The following MAP3K5 variants were observed in gnomAD, a reference collection of about 807,000 sequenced individuals.
MAP3K5 encodes ASK-1.
In MAP3K5, 56 loss-of-function variants were observed where a neutral mutation model predicts 158.7. That is an observed-to-expected ratio of 0.35 (90% CI 0.28 to 0.44). The LOEUF is 0.44. MAP3K5 is among the 20% of genes least tolerant of loss of function. MAP3K5 has a pLI of 1.00. For missense variants in MAP3K5, 1,294 were observed against 1,674.8 expected (o/e 0.77, Z 3.97); for synonymous variants, 579 against 601.7 (o/e 0.96, Z 0.55).
intron 21 of MAP3K5, among the ~76,000 whole-genome samples, chr6:136,597,088 G>T (rs1275081839): frequency 6.6e-6 from 1 of 152,174 alleles, no homozygotes; most frequent in Non-Finnish European, 1.5e-5. Context: ...TCTAAAAGAG[G>T]CTGAATGAAC....
intron 1 of MAP3K5, among the ~76,000 whole-genome samples, chr6:136,743,327 G>GT (rs1395543755): frequency 6.6e-6 from 1 of 152,066 alleles, no homozygotes; most frequent in Non-Finnish European, 1.5e-5. Flanking sequence ...GCAGGCACCT[G>GT]TAGTCCCAGC....
intron 7 of MAP3K5, among the ~76,000 whole-genome samples, chr6:136,684,341 C>G (rs1324210004): frequency 6.6e-6 from 1 of 151,798 alleles, no homozygotes; most frequent in African/African-American, 2.4e-5. Context: ...GTTAAGGGCT[C>G]AATTATTATT....
chr6:136,629,697 A>G (rs972993358), intron 14 of MAP3K5, among the ~76,000 whole-genome samples: 6 of 151,494 alleles, frequency 4.0e-5, no homozygotes, highest in African/African-American at 1.5e-4. Context: ...CTCATGATCC[A>G]CCCGCCTTGG....
intron 15 of MAP3K5, among the ~76,000 whole-genome samples, chr6:136,620,646 G>A (rs2129095285): frequency 6.6e-6 from 1 of 152,298 alleles, no homozygotes; most frequent in South Asian, 2.1e-4. Flanking sequence ...CAGCATTAAA[G>A]CCTGGCCAAA....
chr6:136,557,164 C>A lies in MAP3K5; in HGVS notation c.*594G>T, dbSNP rs1016202872. ...CTGGTACAGTTCAGTAGTACATAAA[C>A]GACTCAAACAAATGTACGACAGGTC... On this transcript the variant is annotated 3_prime_UTR_variant, in exon 30 of 30. Transcript: ENST00000359015. 1 of 152,926 alleles carries A rather than the reference C, an allele frequency of 6.5e-6. No homozygotes were observed. The highest frequency in any genetic ancestry group is 2.4e-5 in the African/African-American group (1 of 41,374). 9.5% of individuals were successfully genotyped at this position (152,926 alleles called of 1,614,324 possible).
intron 25 of MAP3K5, chr6:136,579,975 G>T (rs1251188934): frequency 2.4e-6 from 1 of 424,542 alleles, no homozygotes; most frequent in Non-Finnish European, 4.6e-6. Context: ...GAACCACTGG[G>T]TAAAAGATGT....
intron 1 of MAP3K5, among the ~76,000 whole-genome samples, chr6:136,791,367 C>T (rs1170721984): frequency 6.6e-6 from 1 of 152,176 alleles, no homozygotes; most frequent in Non-Finnish European, 1.5e-5. Flanking sequence ...GACCAAACCT[C>T]ACAGAAGCGA....
intron 1 of MAP3K5, among the ~76,000 whole-genome samples, chr6:136,757,028 C>T (rs774614253): frequency 2.0e-4 from 30 of 152,228 alleles, no homozygotes; most frequent in Non-Finnish European, 2.6e-4. Flanking sequence ...GGTGAACACC[C>T]GAGAAAACTC....
At chr6:136,632,626 C>T (rs1049688281) in intron 14 of MAP3K5, among the ~76,000 whole-genome samples, 6 of 152,054 alleles carry the variant, frequency 3.9e-5, no homozygotes, top group African/African-American at 1.4e-4. Flanking sequence ...ACATGTTAGG[C>T]TATGATAGAG....
At chr6:136,757,248 C>G (rs1160654566) in intron 1 of MAP3K5, among the ~76,000 whole-genome samples, 3 of 152,160 alleles carry the variant, frequency 2.0e-5, no homozygotes, top group African/African-American at 7.2e-5. Context: ...ACCTCTAGGA[C>G]TTTTCAAGAA....
chr6:136,667,004 T>C (rs1156656842), intron 8 of MAP3K5, among the ~76,000 whole-genome samples: 1 of 152,224 alleles, frequency 6.6e-6, no homozygotes, highest in Admixed American at 6.5e-5. Context: ...ATTAATCACA[T>C]TTCCTCAAAC....
At chr6:136,629,854 C>A (rs981236226) in intron 14 of MAP3K5, among the ~76,000 whole-genome samples, 1 of 151,902 alleles carries the variant, frequency 6.6e-6, no homozygotes, top group Non-Finnish European at 1.5e-5. Context: ...TAGGTTCAAG[C>A]GATTCTCCTG....
At chr6:136,610,630 A>G (rs534189545) in intron 18 of MAP3K5, among the ~76,000 whole-genome samples, 1 of 151,368 alleles carries the variant, frequency 6.6e-6, no homozygotes, top group Admixed American at 6.6e-5. Context: ...TGCTAGAGTT[A>G]TTGTAGGCCA....
intron 7 of MAP3K5, among the ~76,000 whole-genome samples, chr6:136,669,659 A>G (rs147021636): frequency 3.6e-4 from 55 of 152,244 alleles, no homozygotes; most frequent in African/African-American, 1.2e-3. Flanking sequence ...TCAACCATCT[A>G]CCAGAAATAT....
rs1467422524 is a variant in MAP3K5, at chr6:136,609,243, AAAG to A, written c.2521+2036_2521+2038del. On this transcript the variant is annotated intron_variant, in intron 18 of 29. Coordinates refer to ENST00000359015, the MANE Select transcript of MAP3K5 (RefSeq NM_005923.4). The surrounding 1 kb of genome is among the most constrained non-coding windows in gnomAD (Gnocchi z 4.4). ...TGCTTGCCAAGTTAAGAGTAAGAGGAAAGAAATGTAAAGACATTTGAAGTTATT... is the reference window on the plus strand; with the variant it reads ...TGCTTGCCAAGTTAAGAGTAAGAGGAAAATGTAAAGACATTTGAAGTTATT... Among the ~76,000 whole-genome samples the A allele has an allele frequency of 6.6e-6, 1 of 152,218 alleles. No homozygotes were observed. The highest frequency in any genetic ancestry group is 1.5e-5 in the Non-Finnish European group (1 of 68,034).
intron 23 of MAP3K5, among the ~76,000 whole-genome samples, chr6:136,584,214 A>G (rs1775013304): frequency 6.6e-6 from 1 of 152,258 alleles, no homozygotes; most frequent in African/African-American, 2.4e-5. Flanking sequence ...AATAAGCCAT[A>G]GGATCTCAAC....
chr6:136,722,672 T>TC (rs1554303994), intron 1 of MAP3K5, among the ~76,000 whole-genome samples: 1 of 140,392 alleles, frequency 7.1e-6, no homozygotes, highest in Non-Finnish European at 1.6e-5. Flanking sequence ...CTTTTTTTTT[T>TC]CCTTTTTTTT....
At chr6:136,626,947 T>C (rs960697211) in intron 14 of MAP3K5, among the ~76,000 whole-genome samples, 1 of 152,212 alleles carries the variant, frequency 6.6e-6, no homozygotes, top group African/African-American at 2.4e-5. Flanking sequence ...TTTTGTATCC[T>C]TTCCACTACC....
chr6:136,592,826 G>A (rs1245049366), intron 21 of MAP3K5: 4 of 615,556 alleles, frequency 6.5e-6, no homozygotes, highest in Non-Finnish European at 1.2e-5. Context: ...GGGCCTCCCA[G>A]GCCCTGGGAG....
Sources: gnomAD v4.1 joint callset for allele counts (sites outside exome capture counted in the v4.1 genomes callset) on GRCh38, gnomAD v4.1.1 for gene constraint, Gnocchi (gnomAD v3.1) non-coding constraint, MANE v1.5 for transcripts, NCBI Gene and HGNC (gene_info 2026-07-23, HGNC 2026-07-21) for gene names.